The following NTRK2 variants were observed in gnomAD, a reference collection of about 807,000 sequenced individuals.
NTRK2 encodes the protein BDNF/NT-3 growth factors receptor.
A neutral mutation model predicts 94.5 loss-of-function variants in NTRK2; 13 were observed. The observed-to-expected ratio is 0.14, with a 90% CI of 0.09 to 0.22. The LOEUF is 0.22. NTRK2 is among the 10% of genes least tolerant of loss of function. The probability of loss-of-function intolerance (pLI) is 1.00; values close to 1 mark genes in which losing one functional copy is unlikely to be tolerated. For missense variants in NTRK2, 639 were observed against 1,071.2 expected (o/e 0.60, Z 5.63); for synonymous variants, 372 against 407.4 (o/e 0.91, Z 1.05).
chr9:84,812,592 G>T, intron 12 of NTRK2: 1 of 1,046,836 alleles, frequency 9.6e-7, no homozygotes, highest in Non-Finnish European at 1.2e-6. Flanking sequence ...GACCCTGAAA[G>T]AGAGATGAAA....
At chr9:84,807,372 A>G (rs541170712) in intron 12 of NTRK2, among the ~76,000 whole-genome samples, 106 of 152,298 alleles carry the variant, frequency 7.0e-4, no homozygotes, top group African/African-American at 2.3e-3. Flanking sequence ...GCAGAGGTTG[A>G]GTTTCAGGCC....
intron 9 of NTRK2, 119 bp from the exon 10 acceptor site, chr9:84,741,773 G>A: frequency 1.3e-6 from 1 of 780,274 alleles, no homozygotes; most frequent in Non-Finnish European, 2.2e-6. Context: ...TCCTGTGAAA[G>A]CAGTCTATTA....
At chr9:84,774,177 T>C (rs1279821514) in intron 12 of NTRK2, among the ~76,000 whole-genome samples, 1 of 152,182 alleles carries the variant, frequency 6.6e-6, no homozygotes, top group East Asian at 1.9e-4. Context: ...TGCTGGGCAG[T>C]CACTGGGAGG....
intron 6 of NTRK2, among the ~76,000 whole-genome samples, chr9:84,713,555 C>A (rs935223130): frequency 3.3e-5 from 5 of 151,576 alleles, no homozygotes; most frequent in African/African-American, 7.3e-5. Context: ...TGTGATTGTT[C>A]TTTTTGCTGG....
chr9:84,699,276 T>A (rs2060576346), intron 2 of NTRK2, among the ~76,000 whole-genome samples: 1 of 152,136 alleles, frequency 6.6e-6, no homozygotes, highest in South Asian at 2.1e-4. Context: ...GACCTCGTGA[T>A]CCGCCCGACT....
intron 17 of NTRK2, among the ~76,000 whole-genome samples, chr9:85,003,767 G>T (rs59928577): frequency 6.6e-6 from 1 of 151,110 alleles, no homozygotes; most frequent in East Asian, 1.9e-4. Context: ...GTGAGGATCC[G>T]GGCAAAAGAA....
At chr9:84,753,171 A>G (rs2064789099) in intron 12 of NTRK2, among the ~76,000 whole-genome samples, 2 of 152,044 alleles carry the variant, frequency 1.3e-5, no homozygotes, top group Admixed American at 6.5e-5. Context: ...GCTTAAAATA[A>G]CTCAAAAAAC....
rs552288154 is a variant in NTRK2 at position 84,989,828 on chromosome 9, C to T, written c.2173-30378C>T. Among the ~76,000 whole-genome samples, 8 of 152,278 alleles carry T rather than the reference C, an allele frequency of 5.3e-5. No individual in the cohort carries two copies. The East Asian group carries it at 1.2e-3, about 22-fold the overall frequency. On this transcript the variant is annotated intron_variant, in intron 17 of 18. Coordinates refer to ENST00000277120, the MANE Select transcript of NTRK2 (RefSeq NM_006180.6). ...CCACTTTTCTTTCTGAATAATGTGT[C>T]CTCACTTTCAAAAAACGTCTTTGAA...
chr9:84,948,752 T>A, intron 16 of NTRK2, 118 bp downstream of exon 16: 2 of 809,892 alleles, frequency 2.5e-6, no homozygotes, highest in Non-Finnish European at 4.0e-6. Context: ...TCTTATTTGA[T>A]AATGACACCA....
At chr9:84,831,401 G>A (rs985767314) in intron 12 of NTRK2, among the ~76,000 whole-genome samples, 3 of 152,100 alleles carry the variant, frequency 2.0e-5, no homozygotes, top group Admixed American at 1.3e-4. Flanking sequence ...AAGTCTAACC[G>A]AAGGGAGGGG....
chr9:85,012,613 A>G (rs1243442916), intron 17 of NTRK2, among the ~76,000 whole-genome samples: 1 of 152,242 alleles, frequency 6.6e-6, no homozygotes, highest in Non-Finnish European at 1.5e-5. Flanking sequence ...CACAATTATT[A>G]GAGTGAAGAG....
At chr9:84,904,270 A>G (rs2077012535) in intron 14 of NTRK2, among the ~76,000 whole-genome samples, 1 of 152,240 alleles carries the variant, frequency 6.6e-6, no homozygotes, top group Non-Finnish European at 1.5e-5. Context: ...GCCTAGCTGT[A>G]TAACTCCAGC....
At chr9:84,938,664 A>T (rs79726421) in intron 15 of NTRK2, among the ~76,000 whole-genome samples, 9,378 of 152,266 alleles carry the variant, frequency 0.062, 379 homozygotes, top group Admixed American at 0.12. Context: ...CATATGTAGT[A>T]GTATGCAGTA....
At chr9:85,019,431 C>G (rs1223386467) in intron 17 of NTRK2, among the ~76,000 whole-genome samples, 1 of 152,210 alleles carries the variant, frequency 6.6e-6, no homozygotes, top group Non-Finnish European at 1.5e-5. Flanking sequence ...CCTAACTTTC[C>G]TCCATGAAGT....
chr9:84,707,772 T>C, intron 4 of NTRK2, 72 bp from the exon 5 acceptor site: 2 of 1,138,802 alleles, frequency 1.8e-6, no homozygotes, highest in Non-Finnish European at 2.7e-6. Flanking sequence ...GAAAAACAAA[T>C]CTCTATTTGA....
At chr9:84,910,273 C>G (rs1272611215) in intron 14 of NTRK2, among the ~76,000 whole-genome samples, 2 of 152,114 alleles carry the variant, frequency 1.3e-5, no homozygotes, top group Non-Finnish European at 2.9e-5. Context: ...TCTCATAGCT[C>G]TGGAAGCTGG....
intron 14 of NTRK2, among the ~76,000 whole-genome samples, chr9:84,868,438 C>T (rs1239318977): frequency 6.6e-6 from 1 of 152,108 alleles, no homozygotes; most frequent in Non-Finnish European, 1.5e-5. Flanking sequence ...TAACTTCATC[C>T]TATTCACTCA....
intron 14 of NTRK2, among the ~76,000 whole-genome samples, chr9:84,927,060 C>A (rs1352758062): frequency 6.6e-6 from 1 of 152,184 alleles, no homozygotes; most frequent in Non-Finnish European, 1.5e-5. Context: ...TTGAAACATT[C>A]CTTTGAAAAC....
intron 4 of NTRK2, among the ~76,000 whole-genome samples, chr9:84,705,228 A>T (rs73482767): frequency 1.4e-3 from 211 of 152,060 alleles, no homozygotes; most frequent in African/African-American, 5.0e-3. Context: ...TGAGCATCAC[A>T]TGGGGACTGC....
Sources: allele counts gnomAD v4.1 joint callset (sites outside exome capture counted in the v4.1 genomes callset), GRCh38; gene constraint gnomAD v4.1.1; transcripts MANE v1.5; gene names NCBI Gene and HGNC (gene_info 2026-07-23, HGNC 2026-07-21).